Variants in TTC8 observed in about 807,000 individuals in gnomAD.
TTC8 encodes the protein tetratricopeptide repeat protein 8.
Under a neutral mutation model 72.5 loss-of-function variants are expected in TTC8, and 47 were observed. That is an observed-to-expected ratio of 0.65 (90% CI 0.51 to 0.83). The LOEUF (loss-of-function observed/expected upper bound fraction) is 0.83. Ranked by LOEUF, TTC8 falls within the 40% of genes least tolerant of loss-of-function variation. The pLI, the probability that TTC8 is intolerant of heterozygous loss-of-function variation, is 0.00. For synonymous variants in TTC8, 199 were observed against 221.4 expected (o/e 0.90, Z 0.90); for missense variants, 611 against 623.2 (o/e 0.98, Z 0.21).
At chr14:88,876,995 T>G (rs2094960068) in intron 14 of TTC8, among the ~76,000 whole-genome samples, 1 of 152,170 alleles carries the variant, frequency 6.6e-6, no homozygotes, top group Non-Finnish European at 1.5e-5. Context: ...AAACATAGGT[T>G]TCTAAATTCA....
chr14:88,869,421 T>G (rs2094924176), intron 10 of TTC8, among the ~76,000 whole-genome samples: 1 of 152,162 alleles, frequency 6.6e-6, no homozygotes, highest in East Asian at 1.9e-4. Flanking sequence ...TTGGTATGTC[T>G]AGCATGCAGC....
chr14:88,836,556 A>G (rs1261110398), intron 2 of TTC8, among the ~76,000 whole-genome samples: 2 of 151,738 alleles, frequency 1.3e-5, no homozygotes, highest in Non-Finnish European at 2.9e-5. Context: ...TATTGCAGGG[A>G]AGGAAGAGTG....
intron 8 of TTC8, among the ~76,000 whole-genome samples, chr14:88,855,363 G>A (rs1371718343): frequency 6.6e-6 from 1 of 152,198 alleles, no homozygotes; most frequent in Non-Finnish European, 1.5e-5. Flanking sequence ...GAGAGAAAAA[G>A]TTGGCAGCTG....
intron 1 of TTC8, chr14:88,830,753 G>A (rs2094721752): frequency 4.6e-6 from 2 of 431,050 alleles, no homozygotes; most frequent in Non-Finnish European, 9.3e-6. Flanking sequence ...AAGCTGCACG[G>A]GTGGATTAAT....
At chr14:88,842,257 T>G (rs2094785135) in intron 6 of TTC8, among the ~76,000 whole-genome samples, 1 of 152,234 alleles carries the variant, frequency 6.6e-6, no homozygotes, top group African/African-American at 2.4e-5. Flanking sequence ...AGTGCTGAGC[T>G]CATTCCTAAT....
At chr14:88,845,029 A>G (rs748007316) in intron 7 of TTC8, among the ~76,000 whole-genome samples, 7 of 152,228 alleles carry the variant, frequency 4.6e-5, no homozygotes, top group Non-Finnish European at 1.0e-4. Context: ...CAAGTAGGAA[A>G]GGGAAAAATT....
rs76987572 is a variant in TTC8, at chr14:88,856,679, A to G, written c.711-511A>G. On this transcript the variant is annotated intron_variant, in intron 8 of 14. Transcript: ENST00000380656. ...ATCAGATATCTAATAAGGGAAAACA[A>G]GATTTCTAGAATAATAAAATGGTAT... Among the ~76,000 whole-genome samples, 663 of 152,322 alleles carry G rather than the reference A, an allele frequency of 4.4e-3. 15 individuals are homozygous for G. In the East Asian group the frequency reaches 0.054, roughly 12 times the overall value.
downstream of TTC8, chr14:88,880,154 A>G (rs1161369138): frequency 1.3e-5 from 2 of 152,200 alleles, no homozygotes; most frequent in African/African-American, 4.8e-5. Context: ...CCATCACCAA[A>G]TAATTTTGTA....
chr14:88,829,537 G>A (rs891394731), intron 1 of TTC8, among the ~76,000 whole-genome samples: 13 of 152,214 alleles, frequency 8.5e-5, no homozygotes, highest in African/African-American at 2.9e-4. Flanking sequence ...TCAGGCAGTG[G>A]GATTTTTAAA....
chr14:88,859,149 T>C (rs1405604718), intron 9 of TTC8, among the ~76,000 whole-genome samples: 1 of 152,138 alleles, frequency 6.6e-6, no homozygotes, highest in Non-Finnish European at 1.5e-5. Context: ...CTTTAATGTA[T>C]GAATGGATGG....
chr14:88,855,216 T>C (rs1245724003), intron 8 of TTC8, among the ~76,000 whole-genome samples: 1 of 152,242 alleles, frequency 6.6e-6, no homozygotes. Context: ...TTAAATTTAT[T>C]TGTGAACATG....
At chr14:88,864,415 G>T (rs1364874378) in intron 10 of TTC8, among the ~76,000 whole-genome samples, 1 of 152,164 alleles carries the variant, frequency 6.6e-6, no homozygotes, top group African/African-American at 2.4e-5. Context: ...CTTGCCTTCT[G>T]CTCATTTCAG....
intron 6 of TTC8, among the ~76,000 whole-genome samples, chr14:88,842,141 T>C (rs981814406): frequency 6.6e-6 from 1 of 152,152 alleles, no homozygotes; most frequent in African/African-American, 2.4e-5. Context: ...CTTTTCAGTA[T>C]ATAAACCTTG....
At chr14:88,866,013 A>G (rs1158514482) in intron 10 of TTC8, among the ~76,000 whole-genome samples, 3 of 152,096 alleles carry the variant, frequency 2.0e-5, no homozygotes, top group Admixed American at 1.3e-4. Flanking sequence ...TGGATGAGTA[A>G]TGATTTATAC....
Position 88,841,073 on chromosome 14 carries a change from C to T in TTC8, c.366C>T (p.Phe122=). ...AAGCTGGAAGACCCATTACAGGTTT[C>T]CTCAGGCCCAGCACGCAGAGTGGAA... ...ITQAGRPITG[F]LRPSTQSGRP... is the part of the protein sequence containing the mutation. The change falls in exon 5 of 15, where the codon TTC becomes TTT. Residue 122 remains phenylalanine, a synonymous_variant. Transcript: ENST00000380656. 18 of 1,614,118 alleles carry T rather than the reference C, an allele frequency of 1.1e-5. No homozygotes were observed. Among genetic ancestry groups the T allele is most frequent in the Non-Finnish European group, 1.5e-5 (18 of 1,180,002 alleles).
chr14:88,847,910 G>C (rs1161913458), intron 7 of TTC8, among the ~76,000 whole-genome samples: 1 of 151,958 alleles, frequency 6.6e-6, no homozygotes, highest in Admixed American at 6.6e-5. Context: ...ATCACCTGAG[G>C]TCAGGAGTTC....
chr14:88,842,682 G>T (rs774149391), intron 6 of TTC8, among the ~76,000 whole-genome samples: 3 of 152,148 alleles, frequency 2.0e-5, no homozygotes, highest in Non-Finnish European at 2.9e-5. Context: ...GACAGATCTG[G>T]TCTGTTACTA....
At chr14:88,849,678 C>T (rs760958456) in intron 7 of TTC8, among the ~76,000 whole-genome samples, 3 of 152,066 alleles carry the variant, frequency 2.0e-5, no homozygotes, top group Non-Finnish European at 2.9e-5. Context: ...TCAGGGGACA[C>T]GTGGGCTGGT....
chr14:88,862,541 CATATATATATATATATAT>C (rs71130022), intron 10 of TTC8, among the ~76,000 whole-genome samples: 2,889 of 23,770 alleles, frequency 0.12, 170 homozygotes, highest in Non-Finnish European at 0.17. Context: ...TCTCTCTCTC[CATATATATATATATATAT>C]ATATATATAT....
Sources: gnomAD v4.1 joint callset for allele counts (sites outside exome capture counted in the v4.1 genomes callset) on GRCh38, gnomAD v4.1.1 for gene constraint, MANE v1.5 for transcripts, NCBI Gene and HGNC (gene_info 2026-07-23, HGNC 2026-07-21) for gene names.